ARHGEF18: variants seen among roughly 807,000 people sequenced by gnomAD.
ARHGEF18 encodes rho guanine nucleotide exchange factor 18.
A neutral mutation model predicts 155.7 loss-of-function variants in ARHGEF18; 93 were observed. The observed-to-expected ratio is 0.60, with a 90% CI of 0.50 to 0.71. The LOEUF (loss-of-function observed/expected upper bound fraction) is 0.71. Among genes scored for constraint, ARHGEF18 ranks in the 30% least tolerant of loss-of-function variants. ARHGEF18 has a pLI of 0.00. For missense variants in ARHGEF18, 1,593 were observed against 1,816.1 expected, an observed-to-expected ratio of 0.88 and a Z score of 2.23; for synonymous variants, 742 against 753.1, an observed-to-expected ratio of 0.99 and a Z score of 0.24.
chr19:7,386,931 G>A (rs529245456), intron 10 of ARHGEF18, among the ~76,000 whole-genome samples: 1 of 152,120 alleles, frequency 6.6e-6, no homozygotes, highest in African/African-American at 2.4e-5. Flanking sequence ...TCCAGCTGGG[G>A]ATTTGGGCGG....
At chr19:7,403,221 C>T (rs974043460) in intron 10 of ARHGEF18, among the ~76,000 whole-genome samples, 2 of 152,200 alleles carry the variant, frequency 1.3e-5, no homozygotes, top group East Asian at 1.9e-4. Context: ...GGATTACAGG[C>T]GTGAGCCCAC....
intron 2 of ARHGEF18, among the ~76,000 whole-genome samples, chr19:7,365,646 G>GT (rs2145364632): frequency 6.6e-6 from 1 of 152,306 alleles, no homozygotes; most frequent in African/African-American, 2.4e-5. Context: ...CAGCAAGGCT[G>GT]TGCCCCCACC....
intron 14 of ARHGEF18, among the ~76,000 whole-genome samples, chr19:7,446,333 C>T (rs1974987452): frequency 6.6e-6 from 1 of 151,924 alleles, no homozygotes; most frequent in Admixed American, 6.6e-5. Flanking sequence ...GATCACACCA[C>T]TGCCCTCCAG....
At chr19:7,441,196 T>C (rs1204376677) in intron 11 of ARHGEF18, among the ~76,000 whole-genome samples, 1 of 120,882 alleles carries the variant, frequency 8.3e-6, no homozygotes, top group East Asian at 2.9e-4. Flanking sequence ...TTTTTTTTTT[T>C]TTCTTTAGAC....
intron 15 of ARHGEF18, among the ~76,000 whole-genome samples, chr19:7,447,655 C>T (rs1600477358): frequency 6.6e-6 from 1 of 152,196 alleles, no homozygotes; most frequent in East Asian, 1.9e-4. Context: ...TAACTACAAC[C>T]CCATTCAGAA....
chr19:7,406,584 A>G (rs2145594756), intron 10 of ARHGEF18, among the ~76,000 whole-genome samples: 1 of 152,310 alleles, frequency 6.6e-6, no homozygotes, highest in South Asian at 2.1e-4. Context: ...GAGGGCAAAA[A>G]ACAAAGCTGT....
chr19:7,375,302 G>GAAAAGAAAGA (rs911316837), intron 3 of ARHGEF18, among the ~76,000 whole-genome samples: 3 of 94,918 alleles, frequency 3.2e-5, no homozygotes, highest in Non-Finnish European at 6.8e-5. Context: ...AAGAAAGAAA[G>GAAAAGAAAGA]AAAAGAAAGA....
intron 10 of ARHGEF18, among the ~76,000 whole-genome samples, chr19:7,399,064 T>G (rs1447714384): frequency 1.3e-5 from 2 of 152,354 alleles, no homozygotes; most frequent in Non-Finnish European, 1.5e-5. Context: ...TGAAAATCAT[T>G]TAAAAGCCCA....
At position 7,399,570 on chromosome 19, in the gene ARHGEF18, C is replaced by T. The variant is rs182884397; in HGVS notation, c.967+16367C>T. 1.8e-3 allele frequency among the ~76,000 whole-genome samples: 276 copies of T among 151,928 alleles called. 1 individual carries two copies. The highest frequency in any genetic ancestry group is 0.011 in the Admixed American group (167 of 15,210). Reference sequence around the variant, plus strand: ...GATCTTGGCCCACTGCAAGCTCCACCTCCGGGTTCACGCCATTCTCCTGCC... The same window carrying T: ...GATCTTGGCCCACTGCAAGCTCCACTTCCGGGTTCACGCCATTCTCCTGCC... On this transcript the variant is annotated intron_variant, in intron 10 of 28. Transcript: ENST00000668164.
rs376542431 is a variant in ARHGEF18, at chr19:7,455,170, C to T, written c.2105-1157C>T. On this transcript the variant is annotated intron_variant, in intron 17 of 28. Coordinates refer to ENST00000668164, the MANE Select transcript of ARHGEF18 (RefSeq NM_001367823.1). ...TCATCATTTGAGTAGGCGTGTATTT[C>T]GCAGACAGGTTTAGCGCCTTCTGCC... is the stretch of plus-strand genomic sequence containing the variant. 1.9e-3 allele frequency among the ~76,000 whole-genome samples: 289 copies of T among 152,258 alleles called. 2 individuals carry two copies. The highest frequency in any genetic ancestry group is 6.3e-3 in the African/African-American group (261 of 41,544).
At chr19:7,361,036 A>G (rs928780983) in intron 1 of ARHGEF18, among the ~76,000 whole-genome samples, 4 of 152,312 alleles carry the variant, frequency 2.6e-5, no homozygotes, top group African/African-American at 9.6e-5. Context: ...TTCAGGCCCC[A>G]TGTGTACCTG....
intron 16 of ARHGEF18, among the ~76,000 whole-genome samples, chr19:7,452,246 G>A (rs942150607): frequency 6.6e-6 from 1 of 152,214 alleles, no homozygotes; most frequent in Non-Finnish European, 1.5e-5. Context: ...CCAGGGCTGA[G>A]CAAGGGATGT....
intron 10 of ARHGEF18, among the ~76,000 whole-genome samples, chr19:7,391,205 C>T (rs1226137272): frequency 6.6e-6 from 1 of 152,108 alleles, no homozygotes; most frequent in Admixed American, 6.6e-5. Flanking sequence ...TATAACTCCC[C>T]ACAGGCCTAC....
intron 7 of ARHGEF18, 116 bp from the exon 8 acceptor site, chr19:7,380,801 G>A: frequency 3.8e-6 from 2 of 532,074 alleles, no homozygotes; most frequent in Non-Finnish European, 5.7e-6. Flanking sequence ...AGAGTGTCAA[G>A]GACAGGTGGG....
intron 10 of ARHGEF18, among the ~76,000 whole-genome samples, chr19:7,409,347 A>G (rs1167259320): frequency 6.7e-6 from 1 of 149,438 alleles, no homozygotes; most frequent in Non-Finnish European, 1.5e-5. Context: ...AAAAAAAAAA[A>G]GACTTAATGG....
chr19:7,450,280 G>GCA (rs1975290549), intron 15 of ARHGEF18, among the ~76,000 whole-genome samples: 2 of 58,952 alleles, frequency 3.4e-5, no homozygotes, highest in South Asian at 5.7e-4. Context: ...ATGTTAATAT[G>GCA]GGATCTTGCT....
At position 7,462,026 on chromosome 19, in the gene ARHGEF18, A is replaced by C. The variant is rs1163134907; in HGVS notation, c.2453-126A>C. 2 of 1,039,614 alleles carry C rather than the reference A, an allele frequency of 1.9e-6. No individual in the cohort carries two copies. The highest frequency in any genetic ancestry group is 3.9e-5 in the Admixed American group (2 of 51,618). The allele number at this position is 1,039,614 out of a possible 1,614,324, so 64.4% of individuals were successfully genotyped here. ...CCCCTACCTCCCAGGAATGCAGGACACAAGGGGGCAGCCTACCTCAGGGCA... is the reference window on the plus strand; with the variant it reads ...CCCCTACCTCCCAGGAATGCAGGACCCAAGGGGGCAGCCTACCTCAGGGCA... On this transcript the variant is annotated intron_variant, in intron 20 of 28. Transcript: ENST00000668164. This position sits in a 1 kb window ranked among gnomAD's most constrained non-coding sequence, Gnocchi z 4.4.
chr19:7,458,297 TAAAAAAAA>T (rs35712455), intron 18 of ARHGEF18, among the ~76,000 whole-genome samples: 1 of 92,326 alleles, frequency 1.1e-5, no homozygotes, highest in Non-Finnish European at 2.0e-5. Flanking sequence ...CAAGATAGTT[TAAAAAAAA>T]AAAAAAAAAA....
intron 10 of ARHGEF18, among the ~76,000 whole-genome samples, chr19:7,387,213 C>T (rs183462810): frequency 6.6e-5 from 10 of 152,104 alleles, no homozygotes; most frequent in Non-Finnish European, 2.9e-5. Flanking sequence ...AGTACGGTGG[C>T]GCGATCTCAG....
Sources: allele counts gnomAD v4.1 joint callset (sites outside exome capture counted in the v4.1 genomes callset), GRCh38; gene constraint gnomAD v4.1.1; non-coding constraint Gnocchi (gnomAD v3.1); transcripts MANE v1.5; gene names NCBI Gene and HGNC (gene_info 2026-07-23, HGNC 2026-07-21).